ALK: variants seen among roughly 807,000 people sequenced by gnomAD.
The protein encoded by ALK is ALK receptor tyrosine kinase, also known as ALK tyrosine kinase receptor.
ALK carries 74 observed loss-of-function variants against 163.1 expected under a neutral mutation model. The observed-to-expected ratio is 0.45, with a 90% CI of 0.38 to 0.55. ALK has a LOEUF of 0.55. ALK is among the 20% of genes least tolerant of loss of function. The pLI, the probability that ALK is intolerant of heterozygous loss-of-function variation, is 0.00. For missense variants in ALK, 2,063 were observed against 2,105.3 expected (o/e 0.98, Z 0.39); for synonymous variants, 960 against 843.2 (o/e 1.14, Z -2.40).
At chr2:29,507,126 G>C (rs914298378) in intron 4 of ALK, among the ~76,000 whole-genome samples, 1 of 152,138 alleles carries the variant, frequency 6.6e-6, no homozygotes, top group Admixed American at 6.5e-5. Context: ...AGCAACTCAA[G>C]TCTCCATTGA....
At chr2:29,437,283 G>A (rs896083277) in intron 4 of ALK, among the ~76,000 whole-genome samples, 25 of 151,642 alleles carry the variant, frequency 1.6e-4, no homozygotes, top group African/African-American at 5.8e-4. Context: ...GAACCCCCAC[G>A]TGGGCCCATG....
chr2:29,752,701 A>G (rs1558472796), intron 1 of ALK, among the ~76,000 whole-genome samples: 1 of 152,112 alleles, frequency 6.6e-6, no homozygotes. Flanking sequence ...ACCTCATGCT[A>G]GCTCGAGGAG....
At chr2:29,197,471 G>A (rs146659580) in intron 27 of ALK, 71 bp downstream of exon 27, 111 of 1,603,072 alleles carry the variant, frequency 6.9e-5, no homozygotes, top group Admixed American at 1.9e-4. Context: ...AGAAGCATAT[G>A]TGGCTCTGGA....
intron 1 of ALK, among the ~76,000 whole-genome samples, chr2:29,864,855 A>C (rs1666386419): frequency 1.3e-5 from 2 of 152,314 alleles, no homozygotes; most frequent in South Asian, 4.1e-4. Flanking sequence ...TGTTTTTCCT[A>C]GACCAGACAT....
chr2:29,749,727 C>T (rs1573604862), intron 1 of ALK, among the ~76,000 whole-genome samples: 1 of 152,202 alleles, frequency 6.6e-6, no homozygotes, highest in African/African-American at 2.4e-5. Flanking sequence ...TTTATTAGCC[C>T]ACATAAGGCA....
intron 11 of ALK, among the ~76,000 whole-genome samples, chr2:29,265,138 G>A (rs571550847): frequency 6.6e-6 from 1 of 152,190 alleles, no homozygotes; most frequent in South Asian, 2.1e-4. Flanking sequence ...TCGTGCCTTG[G>A]CCTCTCAAGT....
At chr2:29,533,012 T>G (rs1384105121) in intron 3 of ALK, among the ~76,000 whole-genome samples, 1 of 152,204 alleles carries the variant, frequency 6.6e-6, no homozygotes, top group Non-Finnish European at 1.5e-5. Context: ...ACTAGCAGCC[T>G]GCAATAAACA....
chr2:29,404,432 T>C (rs1558309832), intron 4 of ALK, among the ~76,000 whole-genome samples: 1 of 152,128 alleles, frequency 6.6e-6, no homozygotes, highest in Admixed American at 6.5e-5. Flanking sequence ...ACAAGATGAC[T>C]TTAAACAACA....
At chr2:29,570,949 C>G (rs915814521) in intron 3 of ALK, among the ~76,000 whole-genome samples, 2 of 152,004 alleles carry the variant, frequency 1.3e-5, no homozygotes, top group African/African-American at 4.8e-5. Flanking sequence ...ATAATAAAAT[C>G]TGTTTATATT....
At chr2:29,323,801 T>C (rs1176840914) in intron 6 of ALK, among the ~76,000 whole-genome samples, 1 of 152,234 alleles carries the variant, frequency 6.6e-6, no homozygotes, top group Admixed American at 6.5e-5. Flanking sequence ...TATCAACTCA[T>C]CCTCTGATCA....
intron 3 of ALK, among the ~76,000 whole-genome samples, chr2:29,573,383 C>A (rs1355021778): frequency 6.6e-6 from 1 of 152,214 alleles, no homozygotes; most frequent in Non-Finnish European, 1.5e-5. Context: ...AAGGCCAAAT[C>A]CAGTCTAACA....
intron 4 of ALK, among the ~76,000 whole-genome samples, chr2:29,491,357 T>G (rs1356669383): frequency 6.6e-6 from 1 of 152,172 alleles, no homozygotes; most frequent in Non-Finnish European, 1.5e-5. Flanking sequence ...AAGTATGCGT[T>G]GATTGCATGA....
chr2:29,403,924 T>G (rs1669515087), intron 4 of ALK, among the ~76,000 whole-genome samples: 3 of 151,826 alleles, frequency 2.0e-5, no homozygotes, highest in Non-Finnish European at 2.9e-5. Flanking sequence ...AAAAAAAATT[T>G]TTTTATTGAC....
intron 4 of ALK, among the ~76,000 whole-genome samples, chr2:29,456,259 A>AT (rs1454080236): frequency 6.6e-6 from 1 of 152,204 alleles, no homozygotes; most frequent in Non-Finnish European, 1.5e-5. Flanking sequence ...TCAAATAGAT[A>AT]TTTGTACACC....
chr2:29,847,169 C>A (rs62129762), intron 1 of ALK, among the ~76,000 whole-genome samples: 2 of 152,170 alleles, frequency 1.3e-5, no homozygotes, highest in African/African-American at 4.8e-5. Flanking sequence ...CTTCCCTCCA[C>A]GATACCTCGG....
At chr2:29,266,360 A>C (rs1665220134) in intron 11 of ALK, among the ~76,000 whole-genome samples, 1 of 152,096 alleles carries the variant, frequency 6.6e-6, no homozygotes, top group Admixed American at 6.5e-5. Context: ...CAGCTCATAG[A>C]ATTTCGTGTA....
intron 3 of ALK, among the ~76,000 whole-genome samples, chr2:29,674,317 T>A (rs1376466901): frequency 3.9e-5 from 6 of 151,920 alleles, no homozygotes; most frequent in South Asian, 4.2e-4. Flanking sequence ...GGGTTTGTCA[T>A]AGATAGCTCT....
chr2:29,326,272 G>A (rs1192404895), intron 6 of ALK, among the ~76,000 whole-genome samples: 4 of 152,188 alleles, frequency 2.6e-5, no homozygotes, highest in Admixed American at 2.6e-4. Flanking sequence ...TGAGCCCATA[G>A]TAATGGACTG....
At chr2:29,714,648 A>T (rs1679196987) in intron 2 of ALK, among the ~76,000 whole-genome samples, 1 of 152,192 alleles carries the variant, frequency 6.6e-6, no homozygotes, top group African/African-American at 2.4e-5. Context: ...CCAAGCGTGG[A>T]CTTCCATGAT....
Sources: gnomAD v4.1 joint callset for allele counts (sites outside exome capture counted in the v4.1 genomes callset) on GRCh38, gnomAD v4.1.1 for gene constraint, MANE v1.5 for transcripts, NCBI Gene and HGNC (gene_info 2026-07-23, HGNC 2026-07-21) for gene names.